ZNF790: variants seen among roughly 807,000 people sequenced by gnomAD.
The protein encoded by ZNF790 is zinc finger protein 790.
ZNF790 carries 8 observed loss-of-function variants against 12.1 expected under a neutral mutation model. That is an observed-to-expected ratio of 0.66 (90% CI 0.39 to 1.19). ZNF790 has a LOEUF of 1.19. Ranked by LOEUF, ZNF790 falls within the 50% of genes most tolerant of loss-of-function variation. The probability of loss-of-function intolerance (pLI) is 0.01; values close to 1 mark genes in which losing one functional copy is unlikely to be tolerated. For missense variants in ZNF790, 707 were observed against 752.2 expected (o/e 0.94, Z 0.70); for synonymous variants, 252 against 244.3 (o/e 1.03, Z -0.29).
intron 1 of ZNF790, among the ~76,000 whole-genome samples, chr19:36,833,239 T>G (rs1028520984): frequency 2.0e-5 from 3 of 152,048 alleles, no homozygotes; most frequent in Non-Finnish European, 2.9e-5. Context: ...GCCTCCCGGG[T>G]TCAAGTAATT....
At chr19:36,843,891 C>T (rs2072151420) in intron 1 of ZNF790, among the ~76,000 whole-genome samples, 1 of 151,580 alleles carries the variant, frequency 6.6e-6, no homozygotes, top group Admixed American at 6.6e-5. Context: ...GTCTGTAATC[C>T]CAGCTGCTCG....
chr19:36,829,166 T>G (rs143240959), intron 1 of ZNF790, among the ~76,000 whole-genome samples: 1 of 152,332 alleles, frequency 6.6e-6, no homozygotes, highest in African/African-American at 2.4e-5. Flanking sequence ...CCATTTACAG[T>G]GAACAATTCA....
upstream of ZNF790, among the ~76,000 whole-genome samples, chr19:36,841,589 C>T (rs1437957708): frequency 6.6e-6 from 1 of 151,652 alleles, no homozygotes; most frequent in Non-Finnish European, 1.5e-5. Context: ...CACTGCACTC[C>T]AGCCTGGGCA....
chr19:36,838,688 C>G (rs1477735401), upstream of ZNF790, among the ~76,000 whole-genome samples: 1 of 152,126 alleles, frequency 6.6e-6, no homozygotes, highest in Non-Finnish European at 1.5e-5. The surrounding 1 kb of genome is among the most constrained non-coding windows in gnomAD (Gnocchi z 4.4). Context: ...CCCAGGCCAT[C>G]TTAGGCTGGA....
Position 36,818,906 on chromosome 19 carries a change from A to C in ZNF790, c.1438T>G (p.Cys480Gly). Residue 480 changes from cysteine (C) to glycine (G), a missense_variant, in exon 5 of 5, where the codon TGT becomes GGT. Coordinates refer to ENST00000356725, the MANE Select transcript of ZNF790 (RefSeq NM_206894.4). ...AAAAAGGTCTTTCCACATTCCTTAC[A>C]TTCATAGTTTCTCTCACCAGTATGA... ...KIHTGERNYE[C>G]KECGKTFFRG... 1 of 1,611,010 alleles carries C rather than the reference A, an allele frequency of 6.2e-7. No individual in the cohort carries two copies. Among genetic ancestry groups the C allele is most frequent in the South Asian group, 1.1e-5 (1 of 90,994 alleles).
intron 1 of ZNF790, among the ~76,000 whole-genome samples, chr19:36,836,068 C>T (rs910590206): frequency 6.6e-6 from 1 of 152,046 alleles, no homozygotes; most frequent in African/African-American, 2.4e-5. Context: ...CTTGACCCCC[C>T]TTCTATCTTA....
chr19:36,819,128 TC>T lies in ZNF790; in HGVS notation c.1215del (p.Trp405Ter). 1 of 1,613,408 alleles carries T rather than the reference TC, an allele frequency of 6.2e-7. No individual in the cohort carries two copies. Among genetic ancestry groups the T allele is most frequent in the Non-Finnish European group, 8.5e-7 (1 of 1,179,684 alleles). The stretch of plus-strand genomic sequence containing the variant: ...CGCTGATGTCGAGCAAGGTGTGAGC[TC>T]CAAATATAGGCTTTCCCACATTTCT... ...KCEKCGKAYI[W>X]SSHLARHQRI... is the part of the protein sequence containing the mutation. On this transcript the variant is annotated frameshift_variant, in exon 5 of 5. Coordinates refer to ENST00000356725, the MANE Select transcript of ZNF790 (RefSeq NM_206894.4). LOFTEE classifies it low-confidence loss of function (END_TRUNC).
chr19:36,839,351 A>G (rs2072108303), upstream of ZNF790, among the ~76,000 whole-genome samples: 1 of 152,224 alleles, frequency 6.6e-6, no homozygotes, highest in South Asian at 2.1e-4. Context: ...AAGTGTTGGT[A>G]TCTCAAGAAC....
At chr19:36,844,616 G>A (rs2072160452) in intron 1 of ZNF790, among the ~76,000 whole-genome samples, 1 of 150,916 alleles carries the variant, frequency 6.6e-6, no homozygotes, top group Admixed American at 6.6e-5. Context: ...ATAGATTCAA[G>A]AAGTTCACCA....
At chr19:36,832,375 A>G (rs2071959873) in intron 1 of ZNF790, among the ~76,000 whole-genome samples, 2 of 152,212 alleles carry the variant, frequency 1.3e-5, no homozygotes, top group Admixed American at 6.5e-5. Flanking sequence ...TTGTATAGCA[A>G]TAAGGTACTG....
At chr19:36,844,476 C>G (rs1242786119) in intron 1 of ZNF790, among the ~76,000 whole-genome samples, 1 of 151,728 alleles carries the variant, frequency 6.6e-6, no homozygotes, top group Non-Finnish European at 1.5e-5. Context: ...AAAATTACAC[C>G]AAAGAACTAG....
chr19:36,819,975 G>A lies in ZNF790; in HGVS notation c.369C>T (p.Gly123=). ...CTTGAAGTGTTTGAAACTGAGTGTT[G>A]CCTTCCCAGTCACCTCTAAAACATA... The part of the protein sequence containing the change: ...DCLCFRGDWE[G]NTQFQTLQDN... The change falls in exon 5 of 5, where the codon GGC becomes GGT. Residue 123 remains glycine (G), a synonymous_variant. Transcript: ENST00000356725. 6.2e-7 allele frequency: 1 copy of A among 1,614,030 alleles called. No individual in the cohort carries two copies. The highest frequency in any genetic ancestry group is 1.1e-5 in the South Asian group (1 of 91,082).
chr19:36,846,549 G>A (rs141269616), intron 1 of ZNF790, among the ~76,000 whole-genome samples: 2,512 of 152,058 alleles, frequency 0.017, 54 homozygotes, highest in African/African-American at 0.056. Flanking sequence ...GGGCGACAGA[G>A]CGAGACTCCG....
intron 2 of ZNF790, among the ~76,000 whole-genome samples, chr19:36,824,547 A>T (rs2146032594): frequency 6.6e-6 from 1 of 152,236 alleles, no homozygotes; most frequent in South Asian, 2.1e-4. Context: ...ACCTCAAGTG[A>T]TCCACCCACC....
At chr19:36,833,453 CTTTA>C (rs1280937214) in intron 1 of ZNF790, among the ~76,000 whole-genome samples, 1 of 152,082 alleles carries the variant, frequency 6.6e-6, no homozygotes, top group East Asian at 1.9e-4. Context: ...TGTACAATGT[CTTTA>C]TATTAATTAC....
intron 1 of ZNF790, among the ~76,000 whole-genome samples, chr19:36,827,141 C>CATATATATATATATAT (rs369671729): frequency 3.8e-4 from 32 of 84,432 alleles, no homozygotes; most frequent in East Asian, 1.5e-3. Flanking sequence ...CACACACACA[C>CATATATATATATATAT]ATATATATAT....
At chr19:36,833,396 G>C (rs2071980517) in intron 1 of ZNF790, among the ~76,000 whole-genome samples, 2 of 152,126 alleles carry the variant, frequency 1.3e-5, no homozygotes, top group Non-Finnish European at 2.9e-5. Context: ...ACCTGCCTCA[G>C]CCTCCCAAAG....
chr19:36,841,204 C>A (rs1183482211), upstream of ZNF790, among the ~76,000 whole-genome samples: 3 of 152,178 alleles, frequency 2.0e-5, no homozygotes, highest in Non-Finnish European at 4.4e-5. Context: ...GCTAAATACA[C>A]TACAAGCACA....
chr19:36,820,216 G>A, intron 4 of ZNF790, 102 bp from the exon 5 acceptor site: 1 of 1,259,402 alleles, frequency 7.9e-7, no homozygotes, highest in South Asian at 1.7e-5. Context: ...CATATGAGAA[G>A]TGAATGGCTT....
Sources: allele counts gnomAD v4.1 joint callset (sites outside exome capture counted in the v4.1 genomes callset), GRCh38; gene constraint gnomAD v4.1.1; non-coding constraint Gnocchi (gnomAD v3.1); transcripts MANE v1.5; gene names NCBI Gene and HGNC (gene_info 2026-07-23, HGNC 2026-07-21).